TBCD: variants seen among roughly 807,000 people sequenced by gnomAD.
TBCD encodes tubulin folding cofactor D.
A neutral mutation model predicts 169.3 loss-of-function variants in TBCD; 105 were observed. The observed-to-expected ratio is 0.62, with a 90% CI of 0.53 to 0.73. The LOEUF is 0.73. TBCD is among the 30% of genes least tolerant of loss of function. TBCD has a pLI of 0.00. For missense variants in TBCD, 1,444 were observed against 1,600.1 expected, an observed-to-expected ratio of 0.90 and a Z score of 1.66; for synonymous variants, 700 against 643.9, an observed-to-expected ratio of 1.09 and a Z score of -1.32.
chr17:82,929,357 T>C lies in TBCD; in HGVS notation c.2853-5T>C, dbSNP rs1444153467. 1.2e-6 allele frequency: 2 copies of C among 1,612,324 alleles called. No individual in the cohort carries two copies. Among genetic ancestry groups the C allele is most frequent in the South Asian group, 1.1e-5 (1 of 91,074 alleles). Reference sequence around the variant, plus strand: ...CCCGGCCTTGTCTCACTCACTCTCTTGCAGGTCCGATGTGGCCTCCGTGAA... The same window carrying C: ...CCCGGCCTTGTCTCACTCACTCTCTCGCAGGTCCGATGTGGCCTCCGTGAA... On this transcript the variant is annotated splice_polypyrimidine_tract_variant and splice_region_variant and intron_variant, in intron 31 of 38. Coordinates refer to ENST00000355528, the MANE Select transcript of TBCD (RefSeq NM_005993.5).
At position 82,831,114 on chromosome 17, in the gene TBCD, C is replaced by G. The variant is rs139944246; in HGVS notation, c.1318+16180C>G. The G allele has an allele frequency of 3.8e-5, 62 of 1,614,042 alleles. No homozygotes were observed. In the African/African-American group the frequency reaches 8.0e-4, roughly 21 times the overall value. ...TGAAGGCTGTGAGGCTTTGCTCTGG[C>G]GGGTAGAGTCTTCCCAGTGCGCTGG... is the stretch of plus-strand genomic sequence containing the variant. On this transcript the variant is annotated intron_variant, in intron 13 of 38. Coordinates refer to ENST00000355528, the MANE Select transcript of TBCD (RefSeq NM_005993.5). This position sits in a 1 kb window ranked among gnomAD's most constrained non-coding sequence, Gnocchi z 4.6.
chr17:82,826,993 ACTC>A (rs576496830), intron 13 of TBCD, among the ~76,000 whole-genome samples: 27 of 151,882 alleles, frequency 1.8e-4, no homozygotes, highest in African/African-American at 6.3e-4. Context: ...CTGGTCTCAA[ACTC>A]CTGACCTCAA....
In TBCD at chr17:82,940,774, A is replaced by C. The variant is rs140747601; in HGVS notation, c.3480-625A>C. 3.9e-3 allele frequency among the ~76,000 whole-genome samples: 596 copies of C among 152,264 alleles called. 1 individual carries two copies. The highest frequency in any genetic ancestry group is 7.0e-3 in the Non-Finnish European group (473 of 68,018). On this transcript the variant is annotated intron_variant, in intron 37 of 38. Coordinates refer to ENST00000355528, the MANE Select transcript of TBCD (RefSeq NM_005993.5). ...ATGATTTTTTTAAAAAAAAACACCA[A>C]GGTGCATTCTGGACCAGATTCTAAA... is the stretch of plus-strand genomic sequence containing the variant.
In TBCD at chr17:82,915,592, G is replaced by A. The variant is rs990676296; in HGVS notation, c.2038+3803G>A. Among the ~76,000 whole-genome samples the A allele has an allele frequency of 3.9e-4, 60 of 152,336 alleles. No individual in the cohort carries two copies. The highest frequency in any genetic ancestry group is 1.4e-3 in the African/African-American group (59 of 41,584). On this transcript the variant is annotated intron_variant, in intron 23 of 38. Coordinates refer to ENST00000355528, the MANE Select transcript of TBCD (RefSeq NM_005993.5). The surrounding 1 kb of genome is among the most constrained non-coding windows in gnomAD (Gnocchi z 4.3). ...CGATGAAGGAGGGGTTTGTCAGTCA[G>A]GGTGGACTGCGTTTTGCTCTTGAAA...
At chr17:82,841,027 C>T (rs1035059334) in intron 13 of TBCD, among the ~76,000 whole-genome samples, 8 of 125,214 alleles carry the variant, frequency 6.4e-5, no homozygotes, top group African/African-American at 1.2e-4. Context: ...AGTGCAATGG[C>T]ATGATCTTGG....
intron 6 of TBCD, 83 bp downstream of exon 6, chr17:82,772,590 T>G (rs2048362824): frequency 1.4e-6 from 2 of 1,436,180 alleles, no homozygotes; most frequent in African/African-American, 1.4e-5. Context: ...CATGTGCGTC[T>G]TCAGTCCTCA....
rs1219725406 is a variant in TBCD at position 82,933,008 on chromosome 17, C to CT, written c.3191+274dup. Among the ~76,000 whole-genome samples the CT allele has an allele frequency of 1.2e-4, 19 of 152,248 alleles. No individual in the cohort carries two copies. The East Asian group carries it at 3.7e-3, about 29-fold the overall frequency. On this transcript the variant is annotated intron_variant, in intron 34 of 38. Transcript: ENST00000355528. Reference sequence around the variant, plus strand: ...GCCCTGCTGTGCACTCTCCCCCCAGCTATCCCACCGGGCCAGGGGTGGGCC... The same window carrying CT: ...GCCCTGCTGTGCACTCTCCCCCCAGCTTATCCCACCGGGCCAGGGGTGGGCC...
chr17:82,937,242 C>A (rs759440895), intron 34 of TBCD, 29 bp from the exon 35 acceptor site: 1 of 1,607,888 alleles, frequency 6.2e-7, no homozygotes, highest in Non-Finnish European at 8.5e-7. Flanking sequence ...TGTGAAAGCT[C>A]ATCTCTAAAG....
intron 21 of TBCD, chr17:82,908,130 G>A: frequency 2.4e-6 from 1 of 415,526 alleles, no homozygotes; most frequent in Non-Finnish European, 4.5e-6. Flanking sequence ...AGCTAGTGCA[G>A]TCGGTGGAGG....
rs80279595 is a variant in TBCD, at chr17:82,802,623, A to G, written c.950+1627A>G. Reference sequence around the variant, plus strand: ...AGCTGATTGGTTTTAGTCTGAAGACAGAACAAGTCCAGTTGAGAGATTGCC... The same window carrying G: ...AGCTGATTGGTTTTAGTCTGAAGACGGAACAAGTCCAGTTGAGAGATTGCC... On this transcript the variant is annotated intron_variant, in intron 9 of 38. Coordinates refer to ENST00000355528, the MANE Select transcript of TBCD (RefSeq NM_005993.5). Among the ~76,000 whole-genome samples, 1,163 of 152,346 alleles carry G rather than the reference A, an allele frequency of 7.6e-3. 14 individuals carry two copies. Among genetic ancestry groups the G allele is most frequent in the African/African-American group, 0.027 (1,121 of 41,576 alleles).
chr17:82,770,714 G>A (rs1018671411), intron 5 of TBCD, among the ~76,000 whole-genome samples: 4 of 151,614 alleles, frequency 2.6e-5, no homozygotes, highest in African/African-American at 7.3e-5. Flanking sequence ...TGTGATTGCC[G>A]TTAGAAAGCC....
chr17:82,887,897 G>A (rs574029813), intron 15 of TBCD, among the ~76,000 whole-genome samples: 39 of 152,280 alleles, frequency 2.6e-4, no homozygotes, highest in African/African-American at 9.4e-4. Flanking sequence ...CCTCTTTGGT[G>A]AAATGTCTGC....
intron 13 of TBCD, chr17:82,830,154 G>C: frequency 1.2e-6 from 2 of 1,613,846 alleles, no homozygotes; most frequent in Non-Finnish European, 8.5e-7. Context: ...AGGACACCCG[G>C]GCCCTCCTTC....
intron 33 of TBCD, chr17:82,931,893 T>C (rs1012085064): frequency 6.6e-6 from 1 of 152,320 alleles, no homozygotes; most frequent in African/African-American, 2.4e-5. Flanking sequence ...CCACGTGTCA[T>C]GTCTTTCTGC....
chr17:82,783,841 C>CAAAAGCATTATGTTTAAACTTAT (rs564929692), intron 7 of TBCD, among the ~76,000 whole-genome samples: 128 of 152,258 alleles, frequency 8.4e-4, no homozygotes, highest in African/African-American at 2.5e-3. Context: ...TTAATGCTTT[C>CAAAAGCATTATGTTTAAACTTAT]AGGCCGGGCG....
chr17:82,926,679 G>A (rs904962917), intron 28 of TBCD, among the ~76,000 whole-genome samples, 188 bp downstream of exon 28: 1 of 152,246 alleles, frequency 6.6e-6, no homozygotes, highest in Non-Finnish European at 1.5e-5. Context: ...TAGTCGTAGT[G>A]AATGTTAAAC....
chr17:82,931,941 GTT>G (rs1250796211), intron 33 of TBCD: 1 of 152,780 alleles, frequency 6.5e-6, no homozygotes, highest in Non-Finnish European at 1.5e-5. Flanking sequence ...GCGCGTTGCT[GTT>G]TTATATTCTC....
chr17:82,805,136 G>A (rs1212146669), intron 9 of TBCD, among the ~76,000 whole-genome samples: 2 of 152,264 alleles, frequency 1.3e-5, no homozygotes, highest in Non-Finnish European at 2.9e-5. Flanking sequence ...CTTGCTCAGC[G>A]CAGGGCTGGG....
At position 82,805,904 on chromosome 17, in the gene TBCD, C is replaced by T; in HGVS notation, c.980C>T (p.Ala327Val). The T allele has an allele frequency of 6.2e-7, 1 of 1,611,266 alleles. No individual in the cohort carries two copies. Among genetic ancestry groups the T allele is most frequent in the Non-Finnish European group, 8.5e-7 (1 of 1,177,628 alleles). ...RYQRGCRSLA[A>V]NLQLLTQGQS... is the part of the protein sequence containing the mutation. ...CAGCGTGGCTGCCGATCTTTGGCTG[C>T]AAATCTGCAGCTCCTCACTCAGGGT... Residue 327 changes from alanine to valine, a missense_variant, in exon 10 of 39, where the codon GCA (alanine) becomes GTA (valine). Coordinates refer to ENST00000355528, the MANE Select transcript of TBCD (RefSeq NM_005993.5).
Sources: allele counts gnomAD v4.1 joint callset (sites outside exome capture counted in the v4.1 genomes callset), GRCh38; gene constraint gnomAD v4.1.1; non-coding constraint Gnocchi (gnomAD v3.1); transcripts MANE v1.5; gene names NCBI Gene and HGNC (gene_info 2026-07-23, HGNC 2026-07-21).